The following YES1 variants were observed in gnomAD, a reference collection of about 807,000 sequenced individuals.
YES1 encodes the protein tyrosine-protein kinase Yes.
YES1 carries 39 observed loss-of-function variants against 70.4 expected under a neutral mutation model. The ratio of observed to expected loss-of-function variants is 0.55; its 90% CI spans 0.43 to 0.72. The LOEUF (loss-of-function observed/expected upper bound fraction) is 0.72. Ranked by LOEUF, YES1 falls within the 30% of genes least tolerant of loss-of-function variation. YES1 has a pLI of 0.00. For synonymous variants in YES1, 198 were observed against 218.6 expected, an observed-to-expected ratio of 0.91 and a Z score of 0.83; for missense variants, 495 against 644.8, an observed-to-expected ratio of 0.77 and a Z score of 2.52.
chr18:735,574 T>C (rs1287553615), intron 10 of YES1, among the ~76,000 whole-genome samples: 1 of 144,730 alleles, frequency 6.9e-6, no homozygotes, highest in African/African-American at 2.9e-5. Flanking sequence ...ATTAGCTGGG[T>C]GTGGTGGTAC....
At chr18:739,905 T>G (rs185922824) in intron 8 of YES1, 94 bp from the exon 9 acceptor site, 2 of 886,308 alleles carry the variant, frequency 2.3e-6, no homozygotes, top group South Asian at 2.2e-5. Context: ...AACACAAAAC[T>G]TCTTAGCTTT....
intron 1 of YES1, among the ~76,000 whole-genome samples, chr18:789,186 C>T (rs1487225337): frequency 6.6e-6 from 1 of 152,100 alleles, no homozygotes; most frequent in Non-Finnish European, 1.5e-5. Context: ...GGAAATGGTA[C>T]ACAAGGTATT....
At position 724,427 on chromosome 18, in the gene YES1, T is replaced by C. The variant is rs767936552; in HGVS notation, c.1629A>G (p.Leu543=). 16 of 1,613,228 alleles carry C rather than the reference T, an allele frequency of 9.9e-6. No individual in the cohort carries two copies. Among genetic ancestry groups the C allele is most frequent in the South Asian group, 3.3e-5 (3 of 91,028 alleles). Residue 543 remains leucine (L), a synonymous_variant, in exon 12 of 12, where the codon TTA becomes TTG. Coordinates refer to ENST00000314574, the MANE Select transcript of YES1 (RefSeq NM_005433.4). ...TEPQYQPGEN[L] is the part of the protein sequence containing the mutation. ...CATATAAAATAGGCTACTTGAATTA[T>C]AAATTTTCTCCTGGCTGGTACTGTG...
At chr18:795,912 AACACAC>A (rs72204539) in intron 1 of YES1, among the ~76,000 whole-genome samples, 88 of 144,692 alleles carry the variant, frequency 6.1e-4, no homozygotes, top group East Asian at 3.0e-3. Context: ...CCAGAACTTA[AACACAC>A]ACACACACAC....
intron 1 of YES1, among the ~76,000 whole-genome samples, chr18:769,820 A>G (rs911936068): frequency 6.6e-6 from 1 of 152,178 alleles, no homozygotes; most frequent in African/African-American, 2.4e-5. Context: ...CTGAAAGCTA[A>G]TATTTTGCTA....
At chr18:787,414 A>T (rs550280162) in intron 1 of YES1, among the ~76,000 whole-genome samples, 6 of 151,882 alleles carry the variant, frequency 4.0e-5, no homozygotes, top group African/African-American at 1.4e-4. Context: ...TACTGTATTT[A>T]AAAAAATTTG....
intron 8 of YES1, among the ~76,000 whole-genome samples, chr18:741,479 C>G (rs1417449251): frequency 2.6e-5 from 4 of 152,088 alleles, no homozygotes; most frequent in Non-Finnish European, 4.4e-5. Context: ...GCCCTCCCTT[C>G]CCCTCTGGTT....
At chr18:771,879 C>G (rs960687728) in intron 1 of YES1, among the ~76,000 whole-genome samples, 1 of 151,944 alleles carries the variant, frequency 6.6e-6, no homozygotes, top group African/African-American at 2.4e-5. Flanking sequence ...CTTGGTAAGT[C>G]TAAACATTTA....
chr18:750,638 T>C (rs1598904987), intron 3 of YES1, among the ~76,000 whole-genome samples: 2 of 152,166 alleles, frequency 1.3e-5, no homozygotes, highest in East Asian at 3.8e-4. Flanking sequence ...CAAAATGTGA[T>C]GACAGCTATG....
At chr18:788,636 G>T (rs1181477171) in intron 1 of YES1, among the ~76,000 whole-genome samples, 2 of 152,188 alleles carry the variant, frequency 1.3e-5, no homozygotes, top group Non-Finnish European at 2.9e-5. Flanking sequence ...AACAGTATTA[G>T]GGATAGGTGC....
chr18:753,748 A>C (rs2080372251), intron 2 of YES1, among the ~76,000 whole-genome samples: 1 of 152,216 alleles, frequency 6.6e-6, no homozygotes, highest in African/African-American at 2.4e-5. Context: ...GGCCTCCCAA[A>C]GTGCTAGAAT....
intron 2 of YES1, 41 bp downstream of exon 2, chr18:756,516 T>A (rs777421677): frequency 6.2e-7 from 1 of 1,607,972 alleles, no homozygotes; most frequent in Non-Finnish European, 8.5e-7. Flanking sequence ...CCCAAGGTGA[T>A]GTTCTCAAAC....
At chr18:782,445 T>C (rs1274632449) in intron 1 of YES1, among the ~76,000 whole-genome samples, 5 of 152,154 alleles carry the variant, frequency 3.3e-5, no homozygotes, top group African/African-American at 7.2e-5. Context: ...CATGAGATGA[T>C]AGGAAAGGTC....
intron 1 of YES1, among the ~76,000 whole-genome samples, chr18:795,964 A>G (rs1470873942): frequency 1.3e-5 from 2 of 149,076 alleles, no homozygotes; most frequent in Non-Finnish European, 3.0e-5. Context: ...ATGAGTAAGT[A>G]AAACAAAAGT....
chr18:742,852 T>C (rs1270437146), intron 8 of YES1, 66 bp downstream of exon 8: 11 of 1,319,570 alleles, frequency 8.3e-6, no homozygotes, highest in South Asian at 1.6e-5. Context: ...TAAGTCTATA[T>C]GCATACAAAT....
chr18:768,658 G>C (rs532670273), intron 1 of YES1, among the ~76,000 whole-genome samples: 128 of 152,132 alleles, frequency 8.4e-4, no homozygotes, highest in African/African-American at 2.9e-3. Context: ...TTATAATACT[G>C]TATTTTTACC....
chr18:771,563 T>G (rs1179327031), intron 1 of YES1, among the ~76,000 whole-genome samples: 1 of 152,174 alleles, frequency 6.6e-6, no homozygotes, highest in Non-Finnish European at 1.5e-5. Context: ...AAGAAAACTT[T>G]TTTGTGATGG....
chr18:725,748 T>C (rs2080010601), intron 11 of YES1, among the ~76,000 whole-genome samples: 1 of 152,094 alleles, frequency 6.6e-6, no homozygotes, highest in Non-Finnish European at 1.5e-5. Context: ...GAGCCAGGCA[T>C]GATGGCAGGT....
chr18:751,437 C>T (rs1357910579), intron 3 of YES1, among the ~76,000 whole-genome samples: 3 of 152,138 alleles, frequency 2.0e-5, no homozygotes, highest in Non-Finnish European at 4.4e-5. Context: ...AAATAATACA[C>T]TTGCATGTAC....
Sources: gnomAD v4.1 joint callset for allele counts (sites outside exome capture counted in the v4.1 genomes callset) on GRCh38, gnomAD v4.1.1 for gene constraint, MANE v1.5 for transcripts, NCBI Gene and HGNC (gene_info 2026-07-23, HGNC 2026-07-21) for gene names.